C12orf56: variants seen among roughly 807,000 people sequenced by gnomAD.
C12orf56 encodes the protein uncharacterized protein C12orf56.
A neutral mutation model predicts 69.9 loss-of-function variants in C12orf56; 71 were observed. That is an observed-to-expected ratio of 1.02 (90% CI 0.84 to 1.24). The LOEUF (loss-of-function observed/expected upper bound fraction) is 1.24, where lower values mean the gene tolerates loss of function less well. C12orf56 is among the 50% of genes most tolerant of loss of function. The probability of loss-of-function intolerance (pLI) is 0.00; values close to 1 mark genes in which losing one functional copy is unlikely to be tolerated. For missense variants in C12orf56, 732 were observed against 738.5 expected (o/e 0.99, Z 0.10); for synonymous variants, 276 against 274.1 (o/e 1.01, Z -0.07).
intron 3 of C12orf56, among the ~76,000 whole-genome samples, chr12:64,322,217 T>G (rs762853000): frequency 6.6e-6 from 1 of 151,896 alleles, no homozygotes; most frequent in African/African-American, 2.4e-5. Flanking sequence ...CTTTTTATAC[T>G]GCCACACAGT....
intron 2 of C12orf56, among the ~76,000 whole-genome samples, chr12:64,344,139 C>A (rs556567042): frequency 6.6e-6 from 1 of 152,194 alleles, no homozygotes; most frequent in South Asian, 2.1e-4. Context: ...CTGATCATTT[C>A]CCTTTCCCAA....
At chr12:64,377,164 G>A (rs1214404883) in intron 1 of C12orf56, among the ~76,000 whole-genome samples, 1 of 149,264 alleles carries the variant, frequency 6.7e-6, no homozygotes. Context: ...ATCTTCTTTT[G>A]AGAAGTATCT....
At position 64,330,981 on chromosome 12, in the gene C12orf56, C is replaced by A; in HGVS notation, c.467G>T (p.Ser156Ile). ...TCACCTGAGAGGAGATTCTTTCAGA[C>A]TTCTGGACTCTTTGCTTCTCCAAAA... The part of the protein sequence containing the change: ...LAFWRSKESR[S>I]LKESPLRDQQ... The change falls in exon 3 of 13, where the codon AGT (serine) becomes ATT (isoleucine). Residue 156 changes from serine (S) to isoleucine (I), a missense_variant. Coordinates refer to ENST00000543942, the MANE Select transcript of C12orf56 (RefSeq NM_001170633.2). 6.4e-7 allele frequency: 1 copy of A among 1,556,666 alleles called. No individual in the cohort carries two copies. Among genetic ancestry groups the A allele is most frequent in the Non-Finnish European group, 8.7e-7 (1 of 1,149,340 alleles).
chr12:64,273,019 C>T (rs571210189), intron 11 of C12orf56, among the ~76,000 whole-genome samples: 4 of 152,256 alleles, frequency 2.6e-5, no homozygotes, highest in Admixed American at 6.5e-5. Flanking sequence ...GAGAACAGGC[C>T]GGGCACAGTG....
At chr12:64,352,721 T>A (rs1055950326) in intron 2 of C12orf56, among the ~76,000 whole-genome samples, 173 bp downstream of exon 2, 1 of 152,200 alleles carries the variant, frequency 6.6e-6, no homozygotes, top group Non-Finnish European at 1.5e-5. Context: ...TTTTAATAAA[T>A]CCCACTGTCC....
At chr12:64,317,650 C>T (rs1187516192) in intron 4 of C12orf56, among the ~76,000 whole-genome samples, 1 of 151,978 alleles carries the variant, frequency 6.6e-6, no homozygotes, top group African/African-American at 2.4e-5. Flanking sequence ...ATCCCAGCTA[C>T]TCAGGAGGCT....
intron 1 of C12orf56, among the ~76,000 whole-genome samples, chr12:64,373,387 T>G (rs2039599252): frequency 6.6e-6 from 1 of 152,024 alleles, no homozygotes; most frequent in African/African-American, 2.4e-5. Context: ...AAGGCAGAGG[T>G]TGCAGTGAGC....
chr12:64,353,466 C>CT lies in C12orf56; in HGVS notation c.253-411dup, dbSNP rs1189500817. Reference sequence around the variant, plus strand: ...GCCACCGCAAAGTTTAAACTGAGTTCTTTTTTTTTTTCCCCTTCATTTTAT... The same window carrying CT: ...GCCACCGCAAAGTTTAAACTGAGTTCTTTTTTTTTTTTCCCCTTCATTTTAT... On this transcript the variant is annotated intron_variant, in intron 1 of 12. Transcript: ENST00000543942. 2.1e-3 allele frequency among the ~76,000 whole-genome samples: 300 copies of CT among 145,842 alleles called. 1 individual carries two copies. The highest frequency in any genetic ancestry group is 6.7e-3 in the African/African-American group (270 of 40,154).
At chr12:64,350,169 A>G (rs941370405) in intron 2 of C12orf56, among the ~76,000 whole-genome samples, 11 of 151,974 alleles carry the variant, frequency 7.2e-5, no homozygotes, top group Admixed American at 2.0e-4. Context: ...GGTGAGGAAT[A>G]AAAGACTACA....
At chr12:64,370,202 A>G (rs181566387) in intron 1 of C12orf56, among the ~76,000 whole-genome samples, 16 of 147,750 alleles carry the variant, frequency 1.1e-4, no homozygotes, top group African/African-American at 3.8e-4. Flanking sequence ...AAAATTAGTC[A>G]GGTGTGGTGG....
At chr12:64,281,550 T>A (rs544307976) in intron 8 of C12orf56, among the ~76,000 whole-genome samples, 1 of 152,078 alleles carries the variant, frequency 6.6e-6, no homozygotes, top group East Asian at 1.9e-4. Flanking sequence ...CCAGCCTGGG[T>A]GACAGAGTGA....
intron 2 of C12orf56, among the ~76,000 whole-genome samples, chr12:64,332,709 C>T (rs1001649624): frequency 1.3e-5 from 2 of 152,218 alleles, no homozygotes; most frequent in Non-Finnish European, 2.9e-5. Context: ...TAGAGGTGGA[C>T]TGCTGACCCA....
At chr12:64,375,115 T>C (rs1475877433) in intron 1 of C12orf56, among the ~76,000 whole-genome samples, 1 of 152,012 alleles carries the variant, frequency 6.6e-6, no homozygotes, top group African/African-American at 2.4e-5. Context: ...TGGAGTACAG[T>C]GGTGTGACCA....
chr12:64,265,279 C>T lies in C12orf56; in HGVS notation c.*1904G>A, dbSNP rs2037910079. 6.6e-6 allele frequency: 1 copy of T among 152,144 alleles called. No individual in the cohort carries two copies. Among genetic ancestry groups the T allele is most frequent in the Non-Finnish European group, 1.5e-5 (1 of 68,074 alleles). 9.4% of individuals were successfully genotyped at this position (152,144 alleles called of 1,614,324 possible). On this transcript the variant is annotated 3_prime_UTR_variant, in exon 13 of 13. Coordinates refer to ENST00000543942, the MANE Select transcript of C12orf56 (RefSeq NM_001170633.2). ...ACCATTTTGCTCCTCTCTCTCTGCC[C>T]CCAAAATTGAGGGTAGAAAATGTGG... is the stretch of plus-strand genomic sequence containing the variant.
chr12:64,314,677 C>A (rs2038666905), intron 4 of C12orf56, among the ~76,000 whole-genome samples: 1 of 151,062 alleles, frequency 6.6e-6, no homozygotes, highest in Non-Finnish European at 1.5e-5. Flanking sequence ...CTCGCTCTGT[C>A]AGTCTGGAGT....
intron 6 of C12orf56, among the ~76,000 whole-genome samples, chr12:64,300,088 A>G (rs1484944816): frequency 6.6e-6 from 1 of 152,166 alleles, no homozygotes; most frequent in Non-Finnish European, 1.5e-5. Context: ...GTTCCCCATT[A>G]GGCATGACAG....
At chr12:64,317,555 T>C (rs2038704897) in intron 4 of C12orf56, among the ~76,000 whole-genome samples, 1 of 151,674 alleles carries the variant, frequency 6.6e-6, no homozygotes, top group South Asian at 2.1e-4. Context: ...AGGTCGGGAG[T>C]TCGAGACCAG....
At chr12:64,267,496 C>G (rs551058733) in intron 12 of C12orf56, 6 of 556,390 alleles carry the variant, frequency 1.1e-5, no homozygotes, top group Admixed American at 1.0e-4. Flanking sequence ...CAATCTCCCC[C>G]ATTTGTGACC....
chr12:64,293,020 A>G (rs1293815242), intron 6 of C12orf56, among the ~76,000 whole-genome samples: 4 of 151,160 alleles, frequency 2.6e-5, no homozygotes, highest in Non-Finnish European at 3.0e-5. Context: ...TGGGCGTAGG[A>G]CCCTCCGAGC....
Sources: allele counts gnomAD v4.1 joint callset (sites outside exome capture counted in the v4.1 genomes callset), GRCh38; gene constraint gnomAD v4.1.1; transcripts MANE v1.5; gene names NCBI Gene and HGNC (gene_info 2026-07-23, HGNC 2026-07-21).